Variants in PCDHGA2 observed in about 807,000 individuals in gnomAD.
PCDHGA2 encodes protocadherin gamma-A2.
Under a neutral mutation model 59.2 loss-of-function variants are expected in PCDHGA2, and 40 were observed. The observed-to-expected ratio is 0.68, with a 90% CI of 0.52 to 0.88. PCDHGA2 has a LOEUF of 0.88. Among genes scored for constraint, PCDHGA2 ranks in the 40% least tolerant of loss-of-function variants. The probability of loss-of-function intolerance (pLI) is 0.00; values close to 1 mark genes in which losing one functional copy is unlikely to be tolerated. For missense variants in PCDHGA2, 1,226 were observed against 1,204.0 expected, an observed-to-expected ratio of 1.02 and a Z score of -0.27; for synonymous variants, 560 against 526.0, an observed-to-expected ratio of 1.06 and a Z score of -0.89.
intron 1 of PCDHGA2, chr5:141,404,334 T>TC: frequency 6.2e-7 from 1 of 1,613,882 alleles, no homozygotes; most frequent in Non-Finnish European, 8.5e-7. Context: ...TCAGTCTACC[T>TC]CCCGGAAAAC....
chr5:141,390,212 C>T (rs2150413972), intron 1 of PCDHGA2: 1 of 1,614,058 alleles, frequency 6.2e-7, no homozygotes, highest in African/African-American at 1.3e-5. Flanking sequence ...CAGGACAAGA[C>T]ATACTTTGCG....
At chr5:141,459,694 T>A (rs767389870) in intron 1 of PCDHGA2, among the ~76,000 whole-genome samples, 1 of 152,252 alleles carries the variant, frequency 6.6e-6, no homozygotes, top group Non-Finnish European at 1.5e-5. Context: ...AGCGTTCCGC[T>A]TGCTACATTT....
At chr5:141,447,130 T>A (rs2098527397) in intron 1 of PCDHGA2, among the ~76,000 whole-genome samples, 1 of 152,146 alleles carries the variant, frequency 6.6e-6, no homozygotes, top group Admixed American at 6.6e-5. Context: ...TTTTTTTGTT[T>A]GTTTGTTTTT....
chr5:141,345,129 A>C (rs561605906), intron 1 of PCDHGA2: 1 of 1,613,954 alleles, frequency 6.2e-7, no homozygotes, highest in African/African-American at 1.3e-5. Context: ...TGGAAGAGAA[A>C]TTGCTCTTAT....
intron 1 of PCDHGA2, chr5:141,422,178 G>A (rs1561799748): frequency 1.9e-6 from 3 of 1,563,306 alleles, no homozygotes; most frequent in Non-Finnish European, 1.7e-6. Flanking sequence ...GATTCTATGA[G>A]ATGGAAATTC....
chr5:141,482,000 G>A (rs1421859839), intron 1 of PCDHGA2, among the ~76,000 whole-genome samples: 8 of 150,854 alleles, frequency 5.3e-5, no homozygotes, highest in East Asian at 1.9e-4. Flanking sequence ...CAGGAGAATC[G>A]CTTTATCTCA....
intron 1 of PCDHGA2, chr5:141,394,500 C>A (rs1450931785): frequency 3.7e-6 from 6 of 1,614,124 alleles, no homozygotes; most frequent in Non-Finnish European, 5.1e-6. Context: ...GCCCGAGATC[C>A]TGTACCCCGC....
At chr5:141,400,547 C>A (rs534226736) in intron 1 of PCDHGA2, 12 of 1,613,676 alleles carry the variant, frequency 7.4e-6, no homozygotes, top group African/African-American at 2.7e-5. Flanking sequence ...TATGTCTATT[C>A]TTTTTCATTA....
intron 1 of PCDHGA2, among the ~76,000 whole-genome samples, chr5:141,456,944 C>G (rs1172050038): frequency 6.6e-6 from 1 of 152,138 alleles, no homozygotes; most frequent in Non-Finnish European, 1.5e-5. Context: ...GCCTGGGCAA[C>G]AGAGCAAAAC....
At chr5:141,364,378 C>G (rs1453338344) in intron 1 of PCDHGA2, 3 of 1,578,948 alleles carry the variant, frequency 1.9e-6, no homozygotes, top group African/African-American at 1.4e-5. Context: ...TGCTGCTGCC[C>G]TTCATGCTCC....
intron 1 of PCDHGA2, chr5:141,423,750 T>TG (rs144521096): frequency 0.16 from 45,934 of 282,282 alleles, 1,791 homozygotes; most frequent in African/African-American, 0.37. Context: ...GAAAACTGTT[T>TG]GGGGGGGGGG....
chr5:141,422,359 G>A, intron 1 of PCDHGA2: 1 of 1,558,858 alleles, frequency 6.4e-7, no homozygotes, highest in Non-Finnish European at 8.6e-7. Flanking sequence ...TCAAGATTCT[G>A]GAGAAAATGG....
At chr5:141,357,586 G>T (rs745537699) in intron 1 of PCDHGA2, 3 of 1,614,126 alleles carry the variant, frequency 1.9e-6, no homozygotes, top group East Asian at 4.5e-5. Flanking sequence ...GATAACTCAG[G>T]ATTTACTTGA....
intron 1 of PCDHGA2, chr5:141,379,423 A>G (rs1261037274): frequency 3.3e-5 from 5 of 152,260 alleles, no homozygotes. Context: ...CTCATGAGTT[A>G]GATGGGCTGT....
chr5:141,458,674 A>G (rs1315462699), intron 1 of PCDHGA2, among the ~76,000 whole-genome samples: 1 of 152,104 alleles, frequency 6.6e-6, no homozygotes, highest in East Asian at 1.9e-4. Flanking sequence ...GGTTCAAGCA[A>G]TTCTACTGCC....
intron 1 of PCDHGA2, among the ~76,000 whole-genome samples, chr5:141,449,081 C>T (rs2098627623): frequency 6.6e-6 from 1 of 152,180 alleles, no homozygotes; most frequent in South Asian, 2.1e-4. Flanking sequence ...CCTGTACCTA[C>T]ATCAGTTTTT....
At chr5:141,478,467 G>T (rs2099457769) in intron 1 of PCDHGA2, 1 of 1,613,656 alleles carries the variant, frequency 6.2e-7, no homozygotes, top group South Asian at 1.1e-5. Flanking sequence ...CCACTGGCCA[G>T]CCGCCAGAAC....
At chr5:141,421,469 G>A in intron 1 of PCDHGA2, 1 of 1,614,122 alleles carries the variant, frequency 6.2e-7, no homozygotes, top group Non-Finnish European at 8.5e-7. Flanking sequence ...GTGAATCCGC[G>A]AAGCGGCAGC....
intron 1 of PCDHGA2, chr5:141,367,307 G>A (rs540487021): frequency 1.3e-5 from 2 of 152,792 alleles, no homozygotes; most frequent in Non-Finnish European, 2.9e-5. Flanking sequence ...GGGAGGCTGA[G>A]GTGGGCGGAT....
Sources: allele counts gnomAD v4.1 joint callset (sites outside exome capture counted in the v4.1 genomes callset), GRCh38; gene constraint gnomAD v4.1.1; transcripts MANE v1.5; gene names NCBI Gene and HGNC (gene_info 2026-07-23, HGNC 2026-07-21).